Variants in PPARGC1A observed in about 807,000 individuals in gnomAD.
PPARGC1A encodes the protein PPARG coactivator 1 alpha.
PPARGC1A carries 25 observed loss-of-function variants against 88.7 expected under a neutral mutation model. The observed-to-expected ratio is 0.28, with a 90% CI of 0.21 to 0.39. PPARGC1A has a LOEUF of 0.39. Ranked by LOEUF, PPARGC1A falls within the 10% of genes least tolerant of loss-of-function variation. The pLI is 1.00. For missense variants in PPARGC1A, 880 were observed against 968.7 expected (o/e 0.91, Z 1.22); for synonymous variants, 363 against 355.6 (o/e 1.02, Z -0.24).
At chr4:24,094,083 C>G in the PPARGC1A span, among the ~76,000 whole-genome samples, 3,215 of 152,168 alleles carry the variant, frequency 0.021, 117 homozygotes, top group African/African-American at 0.067. Context: ...ATTCTCAGCC[C>G]GCTCTTTCTC....
the PPARGC1A span, among the ~76,000 whole-genome samples, chr4:23,950,210 G>A: frequency 1.3e-5 from 2 of 152,054 alleles, no homozygotes; most frequent in African/African-American, 4.8e-5. Context: ...AATCTTCCCT[G>A]AGAATCTTAT....
chr4:23,855,795 G>A (rs1016776726), intron 2 of PPARGC1A, among the ~76,000 whole-genome samples: 22 of 152,120 alleles, frequency 1.4e-4, no homozygotes, highest in African/African-American at 5.3e-4. Context: ...AGCTGTGGTA[G>A]GGTGCCAGGT....
At chr4:23,988,236 G>A in the PPARGC1A span, among the ~76,000 whole-genome samples, 1 of 152,032 alleles carries the variant, frequency 6.6e-6, no homozygotes, top group Non-Finnish European at 1.5e-5. Flanking sequence ...GAATAGTGCT[G>A]CAATGAACAT....
At chr4:24,172,064 G>T in the PPARGC1A span, among the ~76,000 whole-genome samples, 139 of 152,238 alleles carry the variant, frequency 9.1e-4, no homozygotes, top group Admixed American at 2.2e-3. Context: ...AGAGGCAGGA[G>T]AACAGCCTCC....
the PPARGC1A span, among the ~76,000 whole-genome samples, chr4:23,944,634 G>C: frequency 6.6e-6 from 1 of 152,108 alleles, no homozygotes; most frequent in Non-Finnish European, 1.5e-5. Context: ...CCCACATGTC[G>C]TGTGAGGCAC....
the PPARGC1A span, among the ~76,000 whole-genome samples, chr4:24,049,525 T>G: frequency 6.6e-6 from 1 of 151,822 alleles, no homozygotes; most frequent in Admixed American, 6.6e-5. Context: ...TTAAAGGGCA[T>G]GGAAATTGTC....
At chr4:24,324,129 A>G in the PPARGC1A span, among the ~76,000 whole-genome samples, 75,516 of 152,022 alleles carry the variant, frequency 0.5, 19,689 homozygotes, top group African/African-American at 0.66. Context: ...AAGGGTGTCA[A>G]ACCACGCAGG....
At chr4:24,150,934 C>T in the PPARGC1A span, among the ~76,000 whole-genome samples, 1 of 152,320 alleles carries the variant, frequency 6.6e-6, no homozygotes, top group South Asian at 2.1e-4. Flanking sequence ...TATTTCCACG[C>T]ATCTCTTTCA....
intron 2 of PPARGC1A, among the ~76,000 whole-genome samples, chr4:23,835,337 A>C (rs1436381044): frequency 6.6e-6 from 1 of 152,222 alleles, no homozygotes; most frequent in Non-Finnish European, 1.5e-5. Context: ...AATGGCAAAA[A>C]TATTGGAGCT....
chr4:24,316,118 G>A, the PPARGC1A span, among the ~76,000 whole-genome samples: 1 of 152,192 alleles, frequency 6.6e-6, no homozygotes, highest in Non-Finnish European at 1.5e-5. Context: ...ATGATTTTCA[G>A]GACCATGAAT....
At chr4:23,954,010 T>C in the PPARGC1A span, among the ~76,000 whole-genome samples, 12 of 152,076 alleles carry the variant, frequency 7.9e-5, no homozygotes, top group African/African-American at 2.9e-4. Flanking sequence ...ACCTTATAAC[T>C]TACTCACCTA....
chr4:24,445,162 C>T, the PPARGC1A span, among the ~76,000 whole-genome samples: 1 of 152,148 alleles, frequency 6.6e-6, no homozygotes, highest in African/African-American at 2.4e-5. Flanking sequence ...CTCAGCAAAT[C>T]CTCTATGGCT....
chr4:24,377,990 G>A, the PPARGC1A span, among the ~76,000 whole-genome samples: 6 of 152,166 alleles, frequency 3.9e-5, no homozygotes, highest in South Asian at 2.1e-4. Flanking sequence ...TGTAATTTAC[G>A]ATTGCTTCAG....
chr4:24,002,097 C>CACACACACACAGAGAG, the PPARGC1A span, among the ~76,000 whole-genome samples: 1 of 125,324 alleles, frequency 8.0e-6, no homozygotes, highest in African/African-American at 3.3e-5. Flanking sequence ...CACACACACA[C>CACACACACACAGAGAG]AGAGAGAGAG....
chr4:23,974,890 C>G, the PPARGC1A span, among the ~76,000 whole-genome samples: 5 of 140,218 alleles, frequency 3.6e-5, no homozygotes, highest in East Asian at 1.1e-3. Context: ...CTCCTGACCT[C>G]GTGATCCGCC....
At chr4:23,837,470 C>A (rs1268883674) in intron 2 of PPARGC1A, among the ~76,000 whole-genome samples, 1 of 151,522 alleles carries the variant, frequency 6.6e-6, no homozygotes, top group Non-Finnish European at 1.5e-5. Flanking sequence ...ATATTCCCAT[C>A]AACTTGATTA....
At chr4:24,244,901 G>A in the PPARGC1A span, among the ~76,000 whole-genome samples, 2 of 152,144 alleles carry the variant, frequency 1.3e-5, no homozygotes, top group African/African-American at 4.8e-5. Flanking sequence ...TATTGAAAAG[G>A]GGAACAGCTC....
the PPARGC1A span, among the ~76,000 whole-genome samples, chr4:23,976,414 G>T: frequency 6.6e-6 from 1 of 152,190 alleles, no homozygotes. Flanking sequence ...ATCCCTCTTG[G>T]AAGTGAAGTG....
At chr4:23,875,627 T>G (rs767104293) in intron 2 of PPARGC1A, among the ~76,000 whole-genome samples, 35 of 152,234 alleles carry the variant, frequency 2.3e-4, no homozygotes, top group Admixed American at 3.9e-4. Flanking sequence ...TAAAGCCATC[T>G]TAGTCTGAAC....
Sources: allele counts gnomAD v4.1 joint callset (sites outside exome capture counted in the v4.1 genomes callset), GRCh38; gene constraint gnomAD v4.1.1; transcripts MANE v1.5; gene names NCBI Gene and HGNC (gene_info 2026-07-23, HGNC 2026-07-21).